The following CTNNA3 variants were observed in gnomAD, a reference collection of about 807,000 sequenced individuals.
CTNNA3 encodes the protein catenin alpha-3.
CTNNA3 carries 76 observed loss-of-function variants against 95.7 expected under a neutral mutation model. The ratio of observed to expected loss-of-function variants is 0.79; its 90% CI spans 0.66 to 0.96. The LOEUF (loss-of-function observed/expected upper bound fraction) is 0.96, where lower values mean the gene tolerates loss of function less well. Ranked by LOEUF, CTNNA3 falls within the 40% of genes least tolerant of loss-of-function variation. The probability of loss-of-function intolerance (pLI) is 0.00; values close to 1 mark genes in which losing one functional copy is unlikely to be tolerated. For synonymous variants in CTNNA3, 431 were observed against 374.4 expected (o/e 1.15, Z -1.74); for missense variants, 1,191 against 1,089.8 (o/e 1.09, Z -1.31).
chr10:66,351,976 T>C (rs895682376), intron 12 of CTNNA3, among the ~76,000 whole-genome samples: 3 of 151,926 alleles, frequency 2.0e-5, no homozygotes, highest in Admixed American at 2.0e-4. Flanking sequence ...GGTGACAATA[T>C]ATAATAATAA....
chr10:67,663,586 G>C (rs1840253623), intron 1 of CTNNA3, among the ~76,000 whole-genome samples: 1 of 150,820 alleles, frequency 6.6e-6, no homozygotes, highest in Non-Finnish European at 1.5e-5. Flanking sequence ...GGCTGCCGCA[G>C]CTGTTGACTT....
At chr10:66,227,013 A>G (rs1035406827) in intron 13 of CTNNA3, among the ~76,000 whole-genome samples, 1 of 151,992 alleles carries the variant, frequency 6.6e-6, no homozygotes, top group African/African-American at 2.4e-5. Context: ...GGATAATTTG[A>G]CTTCCTCTTT....
chr10:67,148,380 A>G (rs1860936218), intron 7 of CTNNA3, among the ~76,000 whole-genome samples: 1 of 152,204 alleles, frequency 6.6e-6, no homozygotes, highest in Non-Finnish European at 1.5e-5. Flanking sequence ...GCAGAAGGAA[A>G]AGGCTGACTC....
intron 5 of CTNNA3, among the ~76,000 whole-genome samples, chr10:67,422,197 T>C (rs1845770626): frequency 6.6e-6 from 1 of 152,148 alleles, no homozygotes; most frequent in Non-Finnish European, 1.5e-5. Flanking sequence ...AAAATTTGAA[T>C]ATGTGTGGAC....
chr10:66,884,283 G>C (rs1362304503), intron 7 of CTNNA3, among the ~76,000 whole-genome samples: 2 of 152,060 alleles, frequency 1.3e-5, no homozygotes, highest in African/African-American at 4.8e-5. Flanking sequence ...TTTAAAATAT[G>C]CACATCAATT....
intron 7 of CTNNA3, among the ~76,000 whole-genome samples, chr10:67,131,924 T>C (rs1339093609): frequency 6.6e-6 from 1 of 152,014 alleles, no homozygotes; most frequent in Non-Finnish European, 1.5e-5. Context: ...AGAAAGCATT[T>C]TAAGTAAGGA....
At chr10:67,088,879 A>T (rs1429982829) in intron 7 of CTNNA3, among the ~76,000 whole-genome samples, 1 of 152,054 alleles carries the variant, frequency 6.6e-6, no homozygotes. Context: ...ACATCCATAA[A>T]CTCAACTAAC....
At chr10:66,090,144 G>A (rs1433882530) in intron 14 of CTNNA3, among the ~76,000 whole-genome samples, 2 of 151,914 alleles carry the variant, frequency 1.3e-5, no homozygotes, top group Non-Finnish European at 2.9e-5. Context: ...CTGGACCAGG[G>A]TAGGCATGTG....
At chr10:66,708,389 G>A (rs1399464346) in intron 9 of CTNNA3, among the ~76,000 whole-genome samples, 4 of 151,902 alleles carry the variant, frequency 2.6e-5, no homozygotes, top group South Asian at 2.1e-4. Context: ...CTCTGTCTTC[G>A]CATGGCCTTT....
intron 17 of CTNNA3, among the ~76,000 whole-genome samples, chr10:65,925,915 G>T (rs762337734): frequency 5.9e-5 from 9 of 151,402 alleles, no homozygotes; most frequent in Admixed American, 1.3e-4. Context: ...TCATATAAAT[G>T]CTTCCCCTTT....
chr10:66,306,933 C>G (rs950778538), intron 12 of CTNNA3, among the ~76,000 whole-genome samples: 4 of 152,186 alleles, frequency 2.6e-5, no homozygotes, highest in South Asian at 2.1e-4. Flanking sequence ...TAATTGAAGT[C>G]TAATTTATCT....
chr10:66,208,023 T>C (rs1375533168), intron 13 of CTNNA3, among the ~76,000 whole-genome samples: 1 of 152,086 alleles, frequency 6.6e-6, no homozygotes, highest in Non-Finnish European at 1.5e-5. Flanking sequence ...TCAGCATCAG[T>C]GAACTTCTCT....
chr10:67,699,606 G>A (rs566563272), upstream of CTNNA3, among the ~76,000 whole-genome samples: 11 of 152,330 alleles, frequency 7.2e-5, no homozygotes, highest in South Asian at 2.3e-3. Flanking sequence ...TTCACTCAGG[G>A]ATTACTAAGA....
chr10:67,614,134 G>T (rs1481096144), intron 2 of CTNNA3, among the ~76,000 whole-genome samples: 1 of 152,106 alleles, frequency 6.6e-6, no homozygotes, highest in African/African-American at 2.4e-5. Context: ...CCTGCTGATT[G>T]GTCCATTTTA....
intron 11 of CTNNA3, among the ~76,000 whole-genome samples, chr10:66,458,059 T>A (rs928665713): frequency 1.3e-5 from 2 of 152,168 alleles, no homozygotes; most frequent in Non-Finnish European, 2.9e-5. Context: ...ATAGCCTCTC[T>A]AGAGACATGC....
At chr10:66,743,929 T>C (rs1849411080) in intron 9 of CTNNA3, among the ~76,000 whole-genome samples, 2 of 124,918 alleles carry the variant, frequency 1.6e-5, no homozygotes, top group South Asian at 4.8e-4. Context: ...TGAGCTGAGA[T>C]AGTGCCACTG....
At chr10:67,450,941 C>G (rs904103399) in intron 5 of CTNNA3, among the ~76,000 whole-genome samples, 2 of 151,770 alleles carry the variant, frequency 1.3e-5, no homozygotes, top group Non-Finnish European at 2.9e-5. Flanking sequence ...GACTTAGAAC[C>G]TGCTATGGTT....
chr10:66,033,473 A>T (rs6480129), intron 15 of CTNNA3, among the ~76,000 whole-genome samples: 117,110 of 151,678 alleles, frequency 0.77, 45,519 homozygotes, highest in South Asian at 0.9. Flanking sequence ...CCTTTTTTTT[A>T]AAATGCATAT....
intron 15 of CTNNA3, among the ~76,000 whole-genome samples, chr10:66,036,652 A>AGG (rs1564594287): frequency 1.3e-5 from 2 of 152,134 alleles, no homozygotes; most frequent in South Asian, 4.1e-4. Context: ...TTAGGATTAC[A>AGG]GGGGTGAGCC....
Sources: allele counts gnomAD v4.1 joint callset (sites outside exome capture counted in the v4.1 genomes callset), GRCh38; gene constraint gnomAD v4.1.1; transcripts MANE v1.5; gene names NCBI Gene and HGNC (gene_info 2026-07-23, HGNC 2026-07-21).